The following SH3D19 variants were observed in gnomAD, a reference collection of about 807,000 sequenced individuals.
SH3D19 encodes SH3 domain containing 19.
In SH3D19, 58 loss-of-function variants were observed where a neutral mutation model predicts 112.1. The ratio of observed to expected loss-of-function variants is 0.52; its 90% confidence interval spans 0.42 to 0.64. The LOEUF is 0.64. Ranked by LOEUF, SH3D19 falls within the 30% of genes least tolerant of loss-of-function variation. The probability of loss-of-function intolerance (pLI) is 0.00; values close to 1 mark genes in which losing one functional copy is unlikely to be tolerated. For synonymous variants in SH3D19, 391 were observed against 448.5 expected, an observed-to-expected ratio of 0.87 and a Z score of 1.62; for missense variants, 1,090 against 1,263.4, an observed-to-expected ratio of 0.86 and a Z score of 2.08.
intron 11 of SH3D19, chr4:151,144,379 A>G: frequency 1.8e-6 from 2 of 1,121,684 alleles, no homozygotes; most frequent in South Asian, 1.3e-5. Flanking sequence ...GTGTGTGCCT[A>G]AAGTGCACCT....
chr4:151,129,859 A>ATAAC (rs1285131632), intron 17 of SH3D19, among the ~76,000 whole-genome samples: 2 of 152,266 alleles, frequency 1.3e-5, no homozygotes, highest in Non-Finnish European at 2.9e-5. Context: ...TAAGTGCTCA[A>ATAAC]TAACTGATGG....
intron 1 of SH3D19, among the ~76,000 whole-genome samples, chr4:151,260,638 G>C (rs1222776796): frequency 6.6e-6 from 1 of 152,210 alleles, no homozygotes; most frequent in Non-Finnish European, 1.5e-5. Flanking sequence ...ATCACTCCCT[G>C]CTTTGAATCC....
intron 9 of SH3D19, among the ~76,000 whole-genome samples, chr4:151,157,518 G>A (rs78666940): frequency 2.7e-3 from 405 of 151,604 alleles, no homozygotes; most frequent in Non-Finnish European, 4.0e-3. Flanking sequence ...AATCACTGTA[G>A]AGAACAGGAT....
chr4:151,214,406 G>A (rs1766556535), intron 2 of SH3D19, among the ~76,000 whole-genome samples: 1 of 46,956 alleles, frequency 2.1e-5, no homozygotes, highest in Non-Finnish European at 1.3e-4. Flanking sequence ...ACGGGGTGGT[G>A]GCCGGGCAGA....
chr4:151,127,370 C>CT (rs1433054667), intron 19 of SH3D19, among the ~76,000 whole-genome samples: 6 of 152,166 alleles, frequency 3.9e-5, no homozygotes, highest in Non-Finnish European at 8.8e-5. Context: ...ACAGGGATTA[C>CT]TTTGGGGATG....
intron 1 of SH3D19, among the ~76,000 whole-genome samples, chr4:151,247,051 T>C (rs1770995835): frequency 6.6e-6 from 1 of 152,204 alleles, no homozygotes; most frequent in South Asian, 2.1e-4. Context: ...CATTACACCA[T>C]ATTGCTGTTT....
rs147501781 is a variant in SH3D19, at chr4:151,174,861, G to A, written c.1343C>T (p.Pro448Leu). 4,524 of 1,604,428 alleles carry A rather than the reference G, an allele frequency of 2.8e-3. 12 individuals carry two copies. The highest frequency in any genetic ancestry group is 3.6e-3 in the Non-Finnish European group (4,233 of 1,175,152). The change falls in exon 7 of 20, where the codon CCC becomes CTC. Residue 448 changes from proline to leucine, a missense_variant. Coordinates refer to ENST00000604030, the MANE Select transcript of SH3D19 (RefSeq NM_001378122.1). ...SAPLKPVTVP[P>L]RLAGASQAKA... is the part of the protein sequence containing the mutation. ...GGCTTGTGATGCCCCTGCGAGTCGG[G>A]GAGGAACAGTGACAGGTTTCAGTGG...
chr4:151,298,579 G>A (rs1260282978), intron 1 of SH3D19, among the ~76,000 whole-genome samples: 1 of 152,104 alleles, frequency 6.6e-6, no homozygotes, highest in Non-Finnish European at 1.5e-5. Context: ...ATTAGATGTC[G>A]AAGTAAAGAT....
intron 1 of SH3D19, among the ~76,000 whole-genome samples, chr4:151,241,194 A>C (rs1323286168): frequency 6.6e-6 from 1 of 151,922 alleles, no homozygotes; most frequent in Non-Finnish European, 1.5e-5. Flanking sequence ...TGGGAGGCTG[A>C]GGCAGGAGGA....
intron 3 of SH3D19, among the ~76,000 whole-genome samples, chr4:151,187,090 G>A (rs141530952): frequency 0.018 from 2,792 of 151,666 alleles, 82 homozygotes; most frequent in African/African-American, 0.063. Flanking sequence ...CACTGCACCC[G>A]GCCGCTACAT....
At chr4:151,162,741 A>ATT (rs1757378075) in intron 8 of SH3D19, among the ~76,000 whole-genome samples, 1 of 151,016 alleles carries the variant, frequency 6.6e-6, no homozygotes, top group Non-Finnish European at 1.5e-5. Context: ...TGCCCGGCTT[A>ATT]TTTTTGTATT....
intron 19 of SH3D19, 86 bp from the exon 20 acceptor site, chr4:151,122,293 T>C (rs1748084228): frequency 1.4e-6 from 1 of 708,722 alleles, no homozygotes; most frequent in Non-Finnish European, 2.5e-6. Flanking sequence ...GCATGAATAA[T>C]CTTCTCTGTA....
chr4:151,248,693 C>A (rs1771131567), intron 1 of SH3D19, among the ~76,000 whole-genome samples: 1 of 152,126 alleles, frequency 6.6e-6, no homozygotes, highest in African/African-American at 2.4e-5. Context: ...GGCGCATGGA[C>A]TTTGAAGCCA....
intron 8 of SH3D19, among the ~76,000 whole-genome samples, chr4:151,161,686 G>A (rs1202623413): frequency 1.3e-5 from 2 of 149,382 alleles, no homozygotes; most frequent in African/African-American, 4.9e-5. Flanking sequence ...ACAACGTGCA[G>A]GTTTGTTACA....
At position 151,201,777 on chromosome 4, in the gene SH3D19, G is replaced by T. The variant is rs191108563; in HGVS notation, c.153-14314C>A. ...TATAATCTCAGCACTTTGGGAGGCC[G>T]AGGCGGGTGGATCACCTGAGGTCAG... On this transcript the variant is annotated intron_variant, in intron 2 of 19. Coordinates refer to ENST00000604030, the MANE Select transcript of SH3D19 (RefSeq NM_001378122.1). Among the ~76,000 whole-genome samples, 104 of 152,220 alleles carry T rather than the reference G, an allele frequency of 6.8e-4. 1 individual carries two copies. The highest frequency in any genetic ancestry group is 6.8e-3 in the Middle Eastern group (2 of 294).
chr4:151,299,257 T>C (rs908416718), intron 1 of SH3D19, among the ~76,000 whole-genome samples: 2 of 152,178 alleles, frequency 1.3e-5, no homozygotes, highest in Non-Finnish European at 2.9e-5. Flanking sequence ...TCAACACATT[T>C]TAAATAATGA....
chr4:151,321,652 T>C (rs1165482969), intron 1 of SH3D19, among the ~76,000 whole-genome samples: 1 of 152,212 alleles, frequency 6.6e-6, no homozygotes, highest in African/African-American at 2.4e-5. Context: ...TTTCTTAGAA[T>C]TTAACAATCT....
chr4:151,195,906 G>T (rs1401121977), intron 2 of SH3D19, among the ~76,000 whole-genome samples: 5 of 144,724 alleles, frequency 3.5e-5, no homozygotes, highest in Non-Finnish European at 6.0e-5. Context: ...GACTTTAAAA[G>T]ATGTAAGAGA....
chr4:151,161,743 C>T (rs1420551847), intron 8 of SH3D19, among the ~76,000 whole-genome samples: 2 of 146,552 alleles, frequency 1.4e-5, no homozygotes, highest in African/African-American at 2.5e-5. Context: ...CCAAAGTGTT[C>T]TCACTGTTCA....
Sources: allele counts gnomAD v4.1 joint callset (sites outside exome capture counted in the v4.1 genomes callset), GRCh38; gene constraint gnomAD v4.1.1; transcripts MANE v1.5; gene names NCBI Gene and HGNC (gene_info 2026-07-23, HGNC 2026-07-21).